KPNA1: variants seen among roughly 807,000 people sequenced by gnomAD.
KPNA1 encodes the protein importin subunit alpha-5.
KPNA1 carries 10 observed loss-of-function variants against 70.5 expected under a neutral mutation model. The ratio of observed to expected loss-of-function variants is 0.14; its 90% CI spans 0.09 to 0.24. The LOEUF (loss-of-function observed/expected upper bound fraction) is 0.24. Ranked by LOEUF, KPNA1 falls within the 10% of genes least tolerant of loss-of-function variation. The pLI, the probability that KPNA1 is intolerant of heterozygous loss-of-function variation, is 1.00. For missense variants in KPNA1, 397 were observed against 637.9 expected (o/e 0.62, Z 4.07); for synonymous variants, 192 against 221.9 (o/e 0.87, Z 1.20).
intron 2 of KPNA1, among the ~76,000 whole-genome samples, chr3:122,471,533 T>A (rs979948544): frequency 4.6e-5 from 7 of 152,164 alleles, no homozygotes; most frequent in Non-Finnish European, 4.4e-5. Flanking sequence ...TATATCATAT[T>A]AACACCAATT....
intron 1 of KPNA1, among the ~76,000 whole-genome samples, chr3:122,503,827 T>C (rs1559764442): frequency 6.6e-6 from 1 of 152,164 alleles, no homozygotes; most frequent in East Asian, 1.9e-4. Context: ...TTTGTTATAT[T>C]TGTCACACTG....
chr3:122,466,778 CA>C (rs2076384914), intron 3 of KPNA1, among the ~76,000 whole-genome samples: 1 of 151,906 alleles, frequency 6.6e-6, no homozygotes, highest in Non-Finnish European at 1.5e-5. Flanking sequence ...GAGGCCAAGG[CA>C]AAAGGATCAC....
chr3:122,496,754 A>G, intron 1 of KPNA1, 184 bp from the exon 2 acceptor site: 1 of 467,216 alleles, frequency 2.1e-6, no homozygotes, highest in Non-Finnish European at 3.8e-6. Flanking sequence ...CCCGGACTGG[A>G]GTACAGTGGT....
chr3:122,460,667 A>C, intron 5 of KPNA1: 1 of 860,702 alleles, frequency 1.2e-6, no homozygotes, highest in Non-Finnish European at 1.4e-6. Flanking sequence ...AAAAAAGAAA[A>C]TTCTGAATCC....
At chr3:122,460,654 A>T in intron 5 of KPNA1, 1 of 787,790 alleles carries the variant, frequency 1.3e-6, no homozygotes, top group Non-Finnish European at 1.5e-6. Context: ...AGAAGAAAAA[A>T]AAAAAAAAGA....
At chr3:122,453,765 C>T (rs1318974303) in intron 6 of KPNA1, 105 bp downstream of exon 6, 20 of 1,085,284 alleles carry the variant, frequency 1.8e-5, no homozygotes, top group South Asian at 1.6e-4. Context: ...TCGAACTCCT[C>T]GTGATCCACC....
In KPNA1 at chr3:122,491,712, G is replaced by T. The variant is rs570107220; in HGVS notation, c.129+4725C>A. On this transcript the variant is annotated intron_variant, in intron 2 of 13. Transcript: ENST00000344337. Reference sequence around the variant, plus strand: ...GAAAATCTTTAAAATGACATTAAATGAAATAATCCCAAAAAGGTAATAGAG... The same window carrying T: ...GAAAATCTTTAAAATGACATTAAATTAAATAATCCCAAAAAGGTAATAGAG... Among the ~76,000 whole-genome samples the T allele has an allele frequency of 2.0e-5, 3 of 152,242 alleles. No homozygotes were observed. The East Asian group carries it at 5.8e-4, about 29-fold the overall frequency.
At chr3:122,469,978 T>C (rs1410067207) in intron 2 of KPNA1, among the ~76,000 whole-genome samples, 1 of 152,206 alleles carries the variant, frequency 6.6e-6, no homozygotes, top group Non-Finnish European at 1.5e-5. Context: ...AGGAAATTTA[T>C]TGTCAGTAGA....
At chr3:122,514,686 G>A (rs1029808713) in intron 1 of KPNA1, 71 bp downstream of exon 1, 3 of 152,342 alleles carry the variant, frequency 2.0e-5, no homozygotes, top group African/African-American at 4.8e-5. Flanking sequence ...CCTCTCCTGA[G>A]TCCCTCCGGG....
At chr3:122,476,881 A>AAAAAAAAAAAAAAAAAACAAAAAAAAAAC (rs1560042634) in intron 2 of KPNA1, among the ~76,000 whole-genome samples, 1 of 149,930 alleles carries the variant, frequency 6.7e-6, no homozygotes, top group Non-Finnish European at 1.5e-5. Flanking sequence ...AAAAAAAAAA[A>AAAAAAAAAAAAAAAAAACAAAAAAAAAAC]AAACTAAAAA....
At chr3:122,481,491 G>C (rs1470284873) in intron 2 of KPNA1, among the ~76,000 whole-genome samples, 1 of 152,224 alleles carries the variant, frequency 6.6e-6, no homozygotes, top group Non-Finnish European at 1.5e-5. Context: ...GAGACAGAAA[G>C]TAGATAAGGG....
At chr3:122,489,923 C>T (rs2076678481) in intron 2 of KPNA1, among the ~76,000 whole-genome samples, 1 of 152,200 alleles carries the variant, frequency 6.6e-6, no homozygotes, top group Non-Finnish European at 1.5e-5. Context: ...AAGTATACAG[C>T]TCATTAATCT....
At chr3:122,432,286 C>T (rs956036504) in intron 12 of KPNA1, among the ~76,000 whole-genome samples, 1 of 152,214 alleles carries the variant, frequency 6.6e-6, no homozygotes, top group Admixed American at 6.5e-5. Context: ...TGGAAAAAAC[C>T]TACAAGACAA....
intron 9 of KPNA1, among the ~76,000 whole-genome samples, chr3:122,447,648 A>T (rs188563029): frequency 1.3e-5 from 2 of 152,352 alleles, no homozygotes; most frequent in East Asian, 1.9e-4. Flanking sequence ...CTCGTATTCA[A>T]CACAGCACTG....
chr3:122,489,277 CTTTG>C (rs113163531), intron 2 of KPNA1, among the ~76,000 whole-genome samples: 33,765 of 150,318 alleles, frequency 0.22, 4,155 homozygotes, highest in Non-Finnish European at 0.27. Context: ...TACCTTTTTA[CTTTG>C]TTTGTTTTTT....
At chr3:122,457,109 AAC>A (rs2076272865) in intron 5 of KPNA1, among the ~76,000 whole-genome samples, 1 of 106,406 alleles carries the variant, frequency 9.4e-6, no homozygotes, top group Non-Finnish European at 2.2e-5. Context: ...GTAACTGTTA[AAC>A]GTATTTATGT....
chr3:122,427,328 G>A (rs1440975845), intron 13 of KPNA1, 156 bp from the exon 14 acceptor site: 1 of 733,868 alleles, frequency 1.4e-6, no homozygotes, highest in Non-Finnish European at 2.2e-6. Flanking sequence ...TAATAGCACA[G>A]AAATGACTGC....
intron 11 of KPNA1, 21 bp downstream of exon 11, chr3:122,437,149 A>C: frequency 1.3e-6 from 2 of 1,597,406 alleles, no homozygotes; most frequent in Non-Finnish European, 1.7e-6. Context: ...CTGAAAGAGA[A>C]GTTAGGTCCT....
chr3:122,444,103 G>C (rs1332381663), intron 9 of KPNA1, among the ~76,000 whole-genome samples: 1 of 152,192 alleles, frequency 6.6e-6, no homozygotes, highest in African/African-American at 2.4e-5. Flanking sequence ...TCTTTTCCCA[G>C]GGCTGTTCCT....
Sources: gnomAD v4.1 joint callset for allele counts (sites outside exome capture counted in the v4.1 genomes callset) on GRCh38, gnomAD v4.1.1 for gene constraint, MANE v1.5 for transcripts, NCBI Gene and HGNC (gene_info 2026-07-23, HGNC 2026-07-21) for gene names.